DMXL2: variants seen among roughly 807,000 people sequenced by gnomAD.
The protein encoded by DMXL2 is dmX-like protein 2.
A neutral mutation model predicts 331.1 loss-of-function variants in DMXL2; 103 were observed. The observed-to-expected ratio is 0.31, with a 90% CI of 0.27 to 0.37. The LOEUF (loss-of-function observed/expected upper bound fraction) is 0.37, where lower values mean the gene tolerates loss of function less well. Ranked by LOEUF, DMXL2 falls within the 10% of genes least tolerant of loss-of-function variation. DMXL2 has a pLI of 1.00. For synonymous variants in DMXL2, 1,281 were observed against 1,252.1 expected (o/e 1.02, Z -0.49); for missense variants, 3,171 against 3,642.9 (o/e 0.87, Z 3.33).
At chr15:51,558,385 T>G (rs1165529964) in intron 6 of DMXL2, among the ~76,000 whole-genome samples, 2 of 152,154 alleles carry the variant, frequency 1.3e-5, no homozygotes, top group South Asian at 2.1e-4. Flanking sequence ...AAAGGCATCA[T>G]GAACCTTAAT....
intron 41 of DMXL2, among the ~76,000 whole-genome samples, chr15:51,452,584 C>CA (rs1332578304): frequency 6.6e-6 from 1 of 151,908 alleles, no homozygotes; most frequent in African/African-American, 2.4e-5. Context: ...ATTAAAAAAC[C>CA]AAAAAACAAT....
At chr15:51,607,889 C>A (rs1200090599) in intron 1 of DMXL2, among the ~76,000 whole-genome samples, 4 of 152,118 alleles carry the variant, frequency 2.6e-5, no homozygotes, top group African/African-American at 9.7e-5. Context: ...AGCAAAACGG[C>A]CTTTCAAGAA....
chr15:51,512,324 T>C (rs772382908), intron 15 of DMXL2, among the ~76,000 whole-genome samples: 1 of 152,190 alleles, frequency 6.6e-6, no homozygotes. Flanking sequence ...TTTGTTTGGA[T>C]ATAGATTCAA....
At position 51,553,280 on chromosome 15, in the gene DMXL2, A is replaced by G. The variant is rs573427590; in HGVS notation, c.568-5872T>C. Among the ~76,000 whole-genome samples, 8 of 152,338 alleles carry G rather than the reference A, an allele frequency of 5.3e-5. No homozygotes were observed. The East Asian group carries it at 1.3e-3, about 26-fold the overall frequency. ...AGGGTATATGGTGGTGTTCAAAAGA[A>G]TATCTGCTAAACATGTGAATGAAGG... On this transcript the variant is annotated intron_variant, in intron 6 of 43. Transcript: ENST00000560891.
chr15:51,544,190 A>G (rs774725404), intron 8 of DMXL2, among the ~76,000 whole-genome samples: 15 of 152,108 alleles, frequency 9.9e-5, no homozygotes, highest in East Asian at 3.8e-4. Context: ...GTAATCCCCA[A>G]TGTTGGAGGT....
At chr15:51,557,076 T>C (rs1177222701) in intron 6 of DMXL2, among the ~76,000 whole-genome samples, 2 of 150,834 alleles carry the variant, frequency 1.3e-5, no homozygotes, top group Non-Finnish European at 3.0e-5. Flanking sequence ...ATATGAAAAA[T>C]GGGAGAGTTA....
Position 51,450,230 on chromosome 15 carries a change from G to C in DMXL2, c.8866C>G (p.Leu2956Val). The C allele has an allele frequency of 6.2e-7, 1 of 1,614,066 alleles. No individual in the cohort carries two copies. Among genetic ancestry groups the C allele is most frequent in the Non-Finnish European group, 8.5e-7 (1 of 1,179,994 alleles). The change falls in exon 43 of 44, where the codon CTC (leucine) becomes GTC (valine). Residue 2956 changes from leucine (L) to valine (V), a missense_variant. By Grantham distance (32) the Leu-to-Val change is conservative (BLOSUM62 1). Transcript: ENST00000560891. Reference protein sequence around the residue: ...VCIFDIRQRQLIHTFQAHDSA... With the variant: ...VCIFDIRQRQVIHTFQAHDSA... ...TCATGGGCCTGGAACGTGTGAATGA[G>C]CTGCCTTTGCCTGATGTCAAAAATG...
chr15:51,557,859 T>C (rs770223290), intron 6 of DMXL2, among the ~76,000 whole-genome samples: 5 of 152,240 alleles, frequency 3.3e-5, no homozygotes, highest in Non-Finnish European at 7.3e-5. Context: ...AAATCACATC[T>C]AAACATTATT....
chr15:51,611,986 T>C (rs2054001344), intron 1 of DMXL2, among the ~76,000 whole-genome samples: 1 of 152,228 alleles, frequency 6.6e-6, no homozygotes, highest in African/African-American at 2.4e-5. Context: ...GTGGAAGCTT[T>C]GTCCTTTTGC....
At chr15:51,477,987 T>C (rs1200780786) in intron 26 of DMXL2, among the ~76,000 whole-genome samples, 1 of 152,086 alleles carries the variant, frequency 6.6e-6, no homozygotes, top group Non-Finnish European at 1.5e-5. Flanking sequence ...AAATTTCATA[T>C]TATAAGTTAT....
chr15:51,496,577 A>G (rs999731794), intron 18 of DMXL2, among the ~76,000 whole-genome samples: 10 of 152,238 alleles, frequency 6.6e-5, no homozygotes, highest in African/African-American at 2.2e-4. Flanking sequence ...TATGTTGAGC[A>G]AAGGAGAGAT....
chr15:51,549,071 T>A (rs780579354), intron 6 of DMXL2, among the ~76,000 whole-genome samples: 2 of 152,092 alleles, frequency 1.3e-5, no homozygotes, highest in Non-Finnish European at 2.9e-5. Context: ...CCAAGCAGTA[T>A]ACACTGTACC....
rs756287050 is a variant in DMXL2, at chr15:51,542,489, T to G, written c.949A>C (p.Asn317His). The G allele has an allele frequency of 4.3e-6, 7 of 1,612,890 alleles. No homozygotes were observed. Among genetic ancestry groups the G allele is most frequent in the Non-Finnish European group, 5.9e-6 (7 of 1,179,300 alleles). ...GACCTCCTCTGTCCTTTCCTTAAAT[T>G]TTTCAAATGGTGTATTGTCTAAAAT... ...HALETIHHLK[N>H]LRKGQRRSSV... The change falls in exon 9 of 44, where the codon AAT becomes CAT. Residue 317 changes from asparagine to histidine, a missense_variant. By Grantham distance (68) the Asn-to-His change is moderately conservative (BLOSUM62 1). Around this residue, in one of 7 missense-constraint regions of DMXL2, gnomAD observed 1,674 missense variants for 1,780.2 expected, o/e 0.94. Transcript: ENST00000560891.
chr15:51,556,106 G>A (rs2049552502), intron 6 of DMXL2, among the ~76,000 whole-genome samples: 1 of 152,072 alleles, frequency 6.6e-6, no homozygotes, highest in African/African-American at 2.4e-5. Flanking sequence ...CACTTTGGGA[G>A]GCCAAGGCAG....
intron 39 of DMXL2, 140 bp from the exon 40 acceptor site, chr15:51,455,368 A>C (rs1213631759): frequency 1.3e-6 from 1 of 745,880 alleles, no homozygotes; most frequent in East Asian, 2.7e-5. Flanking sequence ...ATTCCCAAAA[A>C]GTCCAAGTGC....
chr15:51,475,707 G>C (rs1160074798), intron 27 of DMXL2, among the ~76,000 whole-genome samples: 1 of 152,078 alleles, frequency 6.6e-6, no homozygotes, highest in Non-Finnish European at 1.5e-5. Context: ...GCACATTAGT[G>C]GGACAACTGG....
At chr15:51,608,671 A>G (rs1433961211) in intron 1 of DMXL2, among the ~76,000 whole-genome samples, 1 of 152,186 alleles carries the variant, frequency 6.6e-6, no homozygotes, top group East Asian at 1.9e-4. Flanking sequence ...TGGGTGACAA[A>G]ATAATCTGTA....
At position 51,542,463 on chromosome 15, in the gene DMXL2, T is replaced by C; in HGVS notation, c.975A>G (p.Ser325=). ...ATTCAGCATGAGTTACAAGAACAGA[T>C]GACCTCCTCTGTCCTTTCCTTAAAT... ...LKNLRKGQRR[S]SVLVTHAELM... Residue 325 remains serine, a synonymous_variant, in exon 9 of 44, where the codon TCA becomes TCG. Coordinates refer to ENST00000560891, the MANE Select transcript of DMXL2 (RefSeq NM_001378457.1). 6.2e-7 allele frequency: 1 copy of C among 1,613,772 alleles called. No individual in the cohort carries two copies.
At chr15:51,605,375 AT>A (rs1348734505) in intron 1 of DMXL2, among the ~76,000 whole-genome samples, 1 of 151,348 alleles carries the variant, frequency 6.6e-6, no homozygotes, top group Non-Finnish European at 1.5e-5. Flanking sequence ...TAATTTTTGT[AT>A]TTTTAGTAGA....
Sources: allele counts gnomAD v4.1 joint callset (sites outside exome capture counted in the v4.1 genomes callset), GRCh38; gene constraint gnomAD v4.1.1; regional missense constraint gnomAD v4.1.1; transcripts MANE v1.5; gene names NCBI Gene and HGNC (gene_info 2026-07-23, HGNC 2026-07-21).